PGBD5: variants seen among roughly 807,000 people sequenced by gnomAD.
PGBD5 encodes piggyBac transposable element derived 5.
A neutral mutation model predicts 47.9 loss-of-function variants in PGBD5; 14 were observed. That is an observed-to-expected ratio of 0.29 (90% CI 0.19 to 0.46). The LOEUF (loss-of-function observed/expected upper bound fraction) is 0.46, where lower values mean the gene tolerates loss of function less well. Among genes scored for constraint, PGBD5 ranks in the 20% least tolerant of loss-of-function variants. The pLI, the probability that PGBD5 is intolerant of heterozygous loss-of-function variation, is 1.00. For missense variants in PGBD5, 635 were observed against 716.0 expected, an observed-to-expected ratio of 0.89 and a Z score of 1.29; for synonymous variants, 316 against 306.3, an observed-to-expected ratio of 1.03 and a Z score of -0.33.
intron 4 of PGBD5, among the ~76,000 whole-genome samples, chr1:230,335,878 G>GATAC (rs1558192944): frequency 0.024 from 153 of 6,474 alleles, 38 homozygotes; most frequent in South Asian, 0.086. Context: ...TGCATACACG[G>GATAC]ACACACAGAT....
intron 1 of PGBD5, among the ~76,000 whole-genome samples, chr1:230,365,166 A>AC (rs1475879819): frequency 6.7e-6 from 1 of 149,492 alleles, no homozygotes; most frequent in Non-Finnish European, 1.5e-5. Context: ...ACAAAAAATT[A>AC]GCCAGGCGTG....
intron 1 of PGBD5, among the ~76,000 whole-genome samples, chr1:230,382,556 T>C (rs1037147183): frequency 6.6e-6 from 1 of 152,160 alleles, no homozygotes; most frequent in Non-Finnish European, 1.5e-5. Flanking sequence ...TGACCAGCTA[T>C]TTAGGTTTAC....
At chr1:230,374,398 C>G (rs1667980974) in intron 1 of PGBD5, among the ~76,000 whole-genome samples, 1 of 152,148 alleles carries the variant, frequency 6.6e-6, no homozygotes, top group Admixed American at 6.5e-5. Context: ...GCCTGGGCAA[C>G]AGAGTAAGAC....
intron 1 of PGBD5, among the ~76,000 whole-genome samples, chr1:230,372,700 T>C (rs1184146293): frequency 6.6e-6 from 1 of 152,220 alleles, no homozygotes; most frequent in Non-Finnish European, 1.5e-5. Flanking sequence ...GAAACAGTGA[T>C]GGAGATGGAA....
chr1:230,424,005 C>A (rs1657716804), intron 1 of PGBD5, among the ~76,000 whole-genome samples: 1 of 152,206 alleles, frequency 6.6e-6, no homozygotes, highest in South Asian at 2.1e-4. Flanking sequence ...TGTGCTCACC[C>A]TTCTCACATC....
intron 3 of PGBD5, among the ~76,000 whole-genome samples, chr1:230,343,492 G>A (rs1667436618): frequency 6.6e-6 from 1 of 152,232 alleles, no homozygotes; most frequent in Admixed American, 6.5e-5. Flanking sequence ...AGTGGAGAAA[G>A]AAGGTAGTTC....
rs375902273 is a variant in PGBD5, at chr1:230,424,495, C to G, written c.331+1103G>C. Among the ~76,000 whole-genome samples, 4 of 152,248 alleles carry G rather than the reference C, an allele frequency of 2.6e-5. No individual in the cohort carries two copies. The East Asian group carries it at 7.7e-4, about 29-fold the overall frequency. On this transcript the variant is annotated intron_variant, in intron 1 of 6. Coordinates refer to ENST00000391860, the MANE Select transcript of PGBD5 (RefSeq NM_001258311.2). Reference sequence around the variant, plus strand: ...AGTCCAGCTAACCCTACCGGCCTCCCAGCAGGCTGCAGCATGATGCCCAGA... The same window carrying G: ...AGTCCAGCTAACCCTACCGGCCTCCGAGCAGGCTGCAGCATGATGCCCAGA...
chr1:230,357,433 C>A lies in PGBD5; in HGVS notation c.332-112G>T, dbSNP rs1667669554. 3.4e-6 allele frequency: 4 copies of A among 1,165,234 alleles called. No homozygotes were observed. In the Admixed American group the frequency reaches 7.0e-5, roughly 20 times the overall value. The allele number at this position is 1,165,234 out of a possible 1,614,324, so 72.2% of individuals were successfully genotyped here. A position where few individuals can be genotyped will look rare whatever the true frequency, so the allele number is the denominator to read the frequency against. On this transcript the variant is annotated intron_variant, in intron 1 of 6. Coordinates refer to ENST00000391860, the MANE Select transcript of PGBD5 (RefSeq NM_001258311.2). The surrounding 1 kb of genome is among the most constrained non-coding windows in gnomAD (Gnocchi z 5.7). ...GGTCCCTGGCCGAGTGCCCCCGCTGCCTCCAGTGCTACCGCCTTCCCCTCC... is the reference window on the plus strand; with the variant it reads ...GGTCCCTGGCCGAGTGCCCCCGCTGACTCCAGTGCTACCGCCTTCCCCTCC...
At chr1:230,338,308 T>C (rs1253402485) in intron 3 of PGBD5, among the ~76,000 whole-genome samples, 1 of 152,258 alleles carries the variant, frequency 6.6e-6, no homozygotes, top group Non-Finnish European at 1.5e-5. Context: ...CTGGCTTTTC[T>C]GCTTAGGGCA....
intron 1 of PGBD5, among the ~76,000 whole-genome samples, chr1:230,410,143 C>T (rs1657382693): frequency 6.6e-6 from 1 of 152,130 alleles, no homozygotes; most frequent in Non-Finnish European, 1.5e-5. Flanking sequence ...AGCAGACAAG[C>T]TGGACTTGAG....
At chr1:230,332,683 A>G (rs1055714883) in intron 5 of PGBD5, among the ~76,000 whole-genome samples, 161 bp downstream of exon 5, 6 of 152,152 alleles carry the variant, frequency 3.9e-5, no homozygotes, top group African/African-American at 1.4e-4. Context: ...CAGCCGCCAC[A>G]CTTAGGAGCG....
At chr1:230,337,428 C>T (rs748819104) in intron 3 of PGBD5, 140 bp from the exon 4 acceptor site, 3 of 869,948 alleles carry the variant, frequency 3.4e-6, no homozygotes, top group Non-Finnish European at 3.4e-6. Flanking sequence ...CTTTTCAGCT[C>T]ACAGGGACTC....
At chr1:230,384,649 C>G (rs975076330) in intron 1 of PGBD5, among the ~76,000 whole-genome samples, 5 of 152,164 alleles carry the variant, frequency 3.3e-5, no homozygotes, top group African/African-American at 1.2e-4. Context: ...GGAACCCATT[C>G]AAGGCCACAC....
At position 230,317,462 on chromosome 1, in the gene PGBD5, A is replaced by T. The variant is rs1039819976; in HGVS notation, c.*5963T>A. 6.6e-6 allele frequency: 1 copy of T among 152,186 alleles called. No individual in the cohort carries two copies. The highest frequency in any genetic ancestry group is 2.4e-5 in the African/African-American group (1 of 41,448). 9.4% of individuals were successfully genotyped at this position (152,186 alleles called of 1,614,324 possible). ...GGGAGACGTGACCTGCTGGAACAGA[A>T]ATGCTCCATGTGCATTAACTGTCAC... On this transcript the variant is annotated 3_prime_UTR_variant, in exon 7 of 7. Transcript: ENST00000391860.
chr1:230,362,614 C>A (rs1667765582), intron 1 of PGBD5, among the ~76,000 whole-genome samples: 1 of 152,156 alleles, frequency 6.6e-6, no homozygotes. Flanking sequence ...GTCCCATCGG[C>A]CACTCATGCT....
chr1:230,320,957 CA>C lies in PGBD5; in HGVS notation c.*2467del, dbSNP rs1236548551. 6.6e-6 allele frequency: 1 copy of C among 152,222 alleles called. No homozygotes were observed. Among genetic ancestry groups the C allele is most frequent in the Non-Finnish European group, 1.5e-5 (1 of 68,062 alleles). 9.4% of individuals were successfully genotyped at this position (152,222 alleles called of 1,614,324 possible). A position where few individuals can be genotyped will look rare whatever the true frequency, so the allele number is the denominator to read the frequency against. ...CCTTTTCCCATCATGTATCAGACAACAGGTGGCTGCCATTTTAGAAACAGAG... is the reference window on the plus strand; with the variant it reads ...CCTTTTCCCATCATGTATCAGACAACGGTGGCTGCCATTTTAGAAACAGAG... On this transcript the variant is annotated 3_prime_UTR_variant, in exon 7 of 7. Coordinates refer to ENST00000391860, the MANE Select transcript of PGBD5 (RefSeq NM_001258311.2).
chr1:230,401,150 C>T lies in PGBD5; in HGVS notation c.331+24448G>A, dbSNP rs142618960. 3.4e-3 allele frequency among the ~76,000 whole-genome samples: 512 copies of T among 152,280 alleles called. 2 individuals carry two copies. The highest frequency in any genetic ancestry group is 0.011 in the African/African-American group (463 of 41,536). Reference sequence around the variant, plus strand: ...CAGATGGTCAGGACAGGCATTGGGCCGCATTCACCATTAGGAGAGCTGCGT... The same window carrying T: ...CAGATGGTCAGGACAGGCATTGGGCTGCATTCACCATTAGGAGAGCTGCGT... On this transcript the variant is annotated intron_variant, in intron 1 of 6. Transcript: ENST00000391860.
intron 1 of PGBD5, among the ~76,000 whole-genome samples, chr1:230,396,024 T>C (rs1327732932): frequency 4.2e-5 from 6 of 143,152 alleles, no homozygotes; most frequent in South Asian, 2.3e-4. Context: ...TCCCTCTTTC[T>C]GCTCCCTTGC....
At chr1:230,367,142 C>A (rs528923553) in intron 1 of PGBD5, among the ~76,000 whole-genome samples, 1 of 152,030 alleles carries the variant, frequency 6.6e-6, no homozygotes, top group East Asian at 1.9e-4. Context: ...CCAGCTACAC[C>A]CTCTGTAGCT....
Sources: allele counts gnomAD v4.1 joint callset (sites outside exome capture counted in the v4.1 genomes callset), GRCh38; gene constraint gnomAD v4.1.1; non-coding constraint Gnocchi (gnomAD v3.1); transcripts MANE v1.5; gene names NCBI Gene and HGNC (gene_info 2026-07-23, HGNC 2026-07-21).